Variants in NXPE1 observed in about 807,000 individuals in gnomAD.
NXPE1 encodes the protein neurexophilin and PC-esterase domain family member 1, also known as NXPE family member 1.
In NXPE1, 31 loss-of-function variants were observed where a neutral mutation model predicts 33.3. That is an observed-to-expected ratio of 0.93 (90% CI 0.70 to 1.26). NXPE1 has a LOEUF of 1.26. Ranked by LOEUF, NXPE1 falls within the 50% of genes most tolerant of loss-of-function variation. The pLI is 0.00. For missense variants in NXPE1, 661 were observed against 655.6 expected, an observed-to-expected ratio of 1.01 and a Z score of -0.09; for synonymous variants, 229 against 231.4, an observed-to-expected ratio of 0.99 and a Z score of 0.09.
intron 5 of NXPE1, among the ~76,000 whole-genome samples, chr11:114,539,516 T>A (rs951103232): frequency 2.0e-5 from 3 of 152,164 alleles, no homozygotes; most frequent in Admixed American, 1.3e-4. Flanking sequence ...TTTTTAAAGG[T>A]CTGAATGAAT....
intron 5 of NXPE1, among the ~76,000 whole-genome samples, chr11:114,543,644 A>G (rs1358983103): frequency 6.6e-6 from 1 of 152,172 alleles, no homozygotes; most frequent in South Asian, 2.1e-4. Context: ...CTTAATAATG[A>G]GAGATTAAAC....
At chr11:114,545,767 T>C (rs951123648) in intron 5 of NXPE1, among the ~76,000 whole-genome samples, 1 of 151,772 alleles carries the variant, frequency 6.6e-6, no homozygotes, top group Non-Finnish European at 1.5e-5. Flanking sequence ...CAGCTCACTG[T>C]AACCTCCGCC....
rs376288356 is a variant in NXPE1 at position 114,522,338 on chromosome 11, C to A, written c.1274G>T (p.Arg425Leu). The change falls in exon 9 of 9, where the codon CGG becomes CTG. Residue 425 changes from arginine (R) to leucine (L), a missense_variant. Transcript: ENST00000534921. Reference sequence around the variant, plus strand: ...GGCTGTGTTTTTGTCACCTGATAGCCGGTCAATTTCCCGAGGGATATAATC... The same window carrying A: ...GGCTGTGTTTTTGTCACCTGATAGCAGGTCAATTTCCCGAGGGATATAATC... 3.7e-6 allele frequency: 6 copies of A among 1,613,912 alleles called. No homozygotes were observed. In the South Asian group the frequency reaches 6.6e-5, roughly 18 times the overall value.
At chr11:114,550,411 T>C (rs1948436472) in intron 5 of NXPE1, among the ~76,000 whole-genome samples, 1 of 152,046 alleles carries the variant, frequency 6.6e-6, no homozygotes, top group African/African-American at 2.4e-5. Flanking sequence ...AAATCAGAAA[T>C]AGACCTCATT....
At chr11:114,543,459 C>G (rs1948169375) in intron 5 of NXPE1, among the ~76,000 whole-genome samples, 1 of 151,490 alleles carries the variant, frequency 6.6e-6, no homozygotes. Flanking sequence ...ATGACTTGAG[C>G]CTGGGGAGCC....
In NXPE1 at chr11:114,553,913, A is replaced by G. The variant is rs892276512; in HGVS notation, c.-210-1033T>C. ...ATCGTGGAAGTCATCAAAGGCTATA[A>G]ACAGGATTTTTGTTTTTGTTTTCTG... On this transcript the variant is annotated intron_variant, in intron 1 of 8. Coordinates refer to ENST00000534921, the Ensembl canonical transcript of NXPE1. 7.1e-6 allele frequency: 7 copies of G among 984,806 alleles called. No individual in the cohort carries two copies. In the African/African-American group the frequency reaches 1.2e-4, roughly 17 times the overall value. The allele number at this position is 984,806 out of a possible 1,614,324, so 61.0% of individuals were successfully genotyped here.
At chr11:114,551,270 T>A in intron 4 of NXPE1, 59 bp from the exon 5 acceptor site, 1 of 1,313,426 alleles carries the variant, frequency 7.6e-7, no homozygotes, top group Non-Finnish European at 1.0e-6. Flanking sequence ...TACTCACTCA[T>A]TATTTTATTT....
chr11:114,544,524 A>G (rs1231833245), intron 5 of NXPE1, among the ~76,000 whole-genome samples: 1 of 152,224 alleles, frequency 6.6e-6, no homozygotes, highest in African/African-American at 2.4e-5. Context: ...AGACGTTCAT[A>G]CATAAAAAAA....
chr11:114,530,868 C>T lies in NXPE1; in HGVS notation c.140G>A (p.Trp47Ter). 1.9e-6 allele frequency: 3 copies of T among 1,613,114 alleles called. No homozygotes were observed. Among genetic ancestry groups the T allele is most frequent in the Non-Finnish European group, 2.5e-6 (3 of 1,179,916 alleles). Reference sequence around the variant, plus strand: ...GAATAAGGACTTTGCGGAGTTGTTCCAGTAATGGACAGAGATGGATAAGTT... The same window carrying T: ...GAATAAGGACTTTGCGGAGTTGTTCTAGTAATGGACAGAGATGGATAAGTT... Residue 47 changes from tryptophan to a stop codon, truncating the protein, a stop_gained, in exon 6 of 9, where the codon TGG (tryptophan) becomes TAG (stop). Coordinates refer to ENST00000534921, the Ensembl canonical transcript of NXPE1. LOFTEE classifies it high-confidence loss of function.
chr11:114,559,606 A>G (rs1948731509), intron 1 of NXPE1, among the ~76,000 whole-genome samples, 192 bp downstream of exon 1: 1 of 149,754 alleles, frequency 6.7e-6, no homozygotes, highest in South Asian at 2.1e-4. Flanking sequence ...GGCTCTCACT[A>G]TCAGTTTTTT....
Position 114,522,899 on chromosome 11 carries a change from T to C in NXPE1, c.1088A>G (p.Tyr363Cys), listed in dbSNP as rs775248253. The change falls in exon 8 of 9, where the codon TAC becomes TGC. Residue 363 changes from tyrosine to cysteine, a missense_variant. Physicochemically the swap from Tyr to Cys is radical, Grantham distance 194. Coordinates refer to ENST00000534921, the Ensembl canonical transcript of NXPE1. Reference sequence around the variant, plus strand: ...CCTACTTTTTACAACTTTGGGGAAGTAGTAGATCCACTGACGTAGTGTAGA... The same window carrying C: ...CCTACTTTTTACAACTTTGGGGAAGCAGTAGATCCACTGACGTAGTGTAGA... 1.8e-5 allele frequency: 29 copies of C among 1,612,410 alleles called. No homozygotes were observed. The East Asian group carries it at 6.2e-4, about 35-fold the overall frequency.
At chr11:114,558,255 CTTTTT>C (rs1948705198) in intron 1 of NXPE1, among the ~76,000 whole-genome samples, 1 of 151,564 alleles carries the variant, frequency 6.6e-6, no homozygotes, top group South Asian at 2.1e-4. Flanking sequence ...ATATGTTTTT[CTTTTT>C]ATTTCATTTT....
chr11:114,525,582 T>C (rs1464394266), intron 7 of NXPE1, among the ~76,000 whole-genome samples: 1 of 152,094 alleles, frequency 6.6e-6, no homozygotes, highest in South Asian at 2.1e-4. Flanking sequence ...CCCTTACTAT[T>C]CTTAAAATTA....
chr11:114,540,754 A>G (rs1177078897), intron 5 of NXPE1, among the ~76,000 whole-genome samples: 1 of 149,306 alleles, frequency 6.7e-6, no homozygotes. Flanking sequence ...GGTGCCATTA[A>G]GAGGAGGTAA....
At chr11:114,522,329 C>T (rs754887335) in exon 9 of NXPE1, 1 of 1,614,060 alleles carries the variant, frequency 6.2e-7, no homozygotes, top group Admixed American at 1.7e-5. Context: ...GTTTTTGTCA[C>T]CTGATAGCCG....
intron 5 of NXPE1, among the ~76,000 whole-genome samples, chr11:114,546,730 A>G (rs1114252): frequency 0.23 from 34,443 of 152,054 alleles, 5,498 homozygotes; most frequent in African/African-American, 0.44. Flanking sequence ...GGCTCCTTGG[A>G]TAAACGGCTG....
At chr11:114,523,481 T>G (rs1306394449) in intron 7 of NXPE1, among the ~76,000 whole-genome samples, 2 of 152,202 alleles carry the variant, frequency 1.3e-5, no homozygotes, top group African/African-American at 4.8e-5. Flanking sequence ...CTTTGTTTCA[T>G]TAATGAAGGA....
At chr11:114,537,054 C>T (rs1743742199) in intron 5 of NXPE1, among the ~76,000 whole-genome samples, 2 of 152,098 alleles carry the variant, frequency 1.3e-5, no homozygotes, top group Non-Finnish European at 1.5e-5. Context: ...AAACCGAATC[C>T]AGCAACACAT....
At chr11:114,527,277 A>G (rs1181084081) in intron 7 of NXPE1, 2 of 152,260 alleles carry the variant, frequency 1.3e-5, no homozygotes, top group East Asian at 1.9e-4. Context: ...AAATGAATAA[A>G]TGGTGGCAAT....
Sources: gnomAD v4.1 joint callset for allele counts (sites outside exome capture counted in the v4.1 genomes callset) on GRCh38, gnomAD v4.1.1 for gene constraint, MANE v1.5 for transcripts, NCBI Gene and HGNC (gene_info 2026-07-23, HGNC 2026-07-21) for gene names.